COL22A1: variants seen among roughly 807,000 people sequenced by gnomAD.
The protein encoded by COL22A1 is collagen alpha-1(XXII) chain.
Under a neutral mutation model 248.9 loss-of-function variants are expected in COL22A1, and 221 were observed. That is an observed-to-expected ratio of 0.89 (90% CI 0.80 to 0.99). The LOEUF is 0.99. Among genes scored for constraint, COL22A1 ranks in the 50% least tolerant of loss-of-function variants. The probability of loss-of-function intolerance (pLI) is 0.00; values close to 1 mark genes in which losing one functional copy is unlikely to be tolerated. For synonymous variants in COL22A1, 891 were observed against 793.4 expected, an observed-to-expected ratio of 1.12 and a Z score of -2.07; for missense variants, 2,240 against 2,179.0, an observed-to-expected ratio of 1.03 and a Z score of -0.56.
At chr8:138,868,010 A>G (rs1481827549) in intron 3 of COL22A1, among the ~76,000 whole-genome samples, 1 of 152,092 alleles carries the variant, frequency 6.6e-6, no homozygotes, top group African/African-American at 2.4e-5. Flanking sequence ...TGATCTGCCC[A>G]CCTTAGCCTC....
chr8:138,616,021 C>A lies in COL22A1; in HGVS notation c.3904G>T (p.Glu1302Ter), dbSNP rs1041949943. 2 of 1,613,470 alleles carry A rather than the reference C, an allele frequency of 1.2e-6. No individual in the cohort carries two copies. The highest frequency in any genetic ancestry group is 2.7e-5 in the African/African-American group (2 of 74,902). Residue 1302 changes from glutamate (E) to a stop codon, truncating the protein, a stop_gained, in exon 55 of 65, where the codon GAA (glutamate) becomes TAA (stop). Coordinates refer to ENST00000303045, the MANE Select transcript of COL22A1 (RefSeq NM_152888.3). LOFTEE classifies it high-confidence loss of function. ...CTTACATCTTTTCCTGGTAACCCTT[C>A]CTGACCAGGAAGCCCCATGGCACCA... ...ESGAMGLPGQ[E>*]GLPGKDGDTG...
At chr8:138,648,182 C>G (rs6984002) in intron 46 of COL22A1, among the ~76,000 whole-genome samples, 132,169 of 152,290 alleles carry the variant, frequency 0.87, 57,685 homozygotes, top group Middle Eastern at 0.96. Flanking sequence ...TCAGCTTTAG[C>G]ACTGGCCCCT....
chr8:138,843,368 C>T (rs540154774), intron 4 of COL22A1, among the ~76,000 whole-genome samples: 1 of 152,250 alleles, frequency 6.6e-6, no homozygotes, highest in Non-Finnish European at 1.5e-5. Flanking sequence ...CAAGATGATG[C>T]AGGAGGGAGA....
intron 3 of COL22A1, among the ~76,000 whole-genome samples, chr8:138,868,040 G>A (rs1823036975): frequency 6.6e-6 from 1 of 152,198 alleles, no homozygotes; most frequent in African/African-American, 2.4e-5. Context: ...TGGGATTACA[G>A]GCATGAGCCA....
At chr8:138,712,310 G>A (rs941309628) in intron 30 of COL22A1, among the ~76,000 whole-genome samples, 3 of 152,300 alleles carry the variant, frequency 2.0e-5, no homozygotes, top group Middle Eastern at 3.4e-3. Context: ...AAACTCCTAT[G>A]AGGGGTTTGG....
intron 7 of COL22A1, among the ~76,000 whole-genome samples, chr8:138,815,553 C>A (rs566036174): frequency 1.2e-4 from 18 of 152,302 alleles, no homozygotes; most frequent in African/African-American, 3.4e-4. Context: ...GCCGCCTGTC[C>A]ACACACAGGC....
chr8:138,588,926 G>A lies in COL22A1; in HGVS notation c.*327C>T. The A allele has an allele frequency of 5.0e-6, 1 of 198,720 alleles. No individual in the cohort carries two copies. Among genetic ancestry groups the A allele is most frequent in the Non-Finnish European group, 1.0e-5 (1 of 99,596 alleles). 12.3% of individuals were successfully genotyped at this position (198,720 alleles called of 1,614,324 possible). A position where few individuals can be genotyped will look rare whatever the true frequency, so the allele number is the denominator to read the frequency against. On this transcript the variant is annotated 3_prime_UTR_variant, in exon 65 of 65. Transcript: ENST00000303045. ...GTTACGCGTCAGATGGGGGCTGTCA[G>A]AAGAATGAAGAAACAATCTCCTGCC...
Position 138,725,790 on chromosome 8 carries a change from CACACACACAT to C in COL22A1, c.2140-360_2140-351del, listed in dbSNP as rs1446120461. Among the ~76,000 whole-genome samples the C allele has an allele frequency of 7.8e-5, 11 of 141,152 alleles. No individual in the cohort carries two copies. In the South Asian group the frequency reaches 2.4e-3, roughly 31 times the overall value. The allele number at this position is 141,152 out of a possible 152,430, so 92.6% of individuals were successfully genotyped here. ...ACACACACACACACACACACACACA[CACACACACAT>C]AGTCTGACCCATGCATAAAGGCCTT... On this transcript the variant is annotated intron_variant, in intron 23 of 64. Transcript: ENST00000303045.
chr8:138,695,491 G>A (rs945665377), intron 32 of COL22A1, among the ~76,000 whole-genome samples: 2 of 151,958 alleles, frequency 1.3e-5, no homozygotes, highest in South Asian at 2.1e-4. Context: ...CCTCACCATC[G>A]TGCCTGGCTC....
intron 40 of COL22A1, among the ~76,000 whole-genome samples, chr8:138,678,022 G>A (rs1825695846): frequency 6.6e-6 from 1 of 152,186 alleles, no homozygotes; most frequent in African/African-American, 2.4e-5. Context: ...TAAGGTTTAG[G>A]TTATTGTGCA....
At chr8:138,836,790 TA>T (rs1563827741) in intron 4 of COL22A1, among the ~76,000 whole-genome samples, 1 of 152,254 alleles carries the variant, frequency 6.6e-6, no homozygotes, top group Non-Finnish European at 1.5e-5. Flanking sequence ...CTGCATTTTT[TA>T]CATAACAGTT....
intron 3 of COL22A1, among the ~76,000 whole-genome samples, chr8:138,859,430 C>T (rs968568977): frequency 1.3e-5 from 2 of 152,182 alleles, no homozygotes; most frequent in African/African-American, 4.8e-5. Context: ...CATGGCCCTC[C>T]CCGGAAGGCT....
chr8:138,848,037 T>C (rs1303998897), intron 3 of COL22A1, among the ~76,000 whole-genome samples: 1 of 152,202 alleles, frequency 6.6e-6, no homozygotes. Flanking sequence ...TTACCTTCTC[T>C]ATCCCAATAA....
intron 49 of COL22A1, among the ~76,000 whole-genome samples, chr8:138,631,388 G>T (rs1435672658): frequency 2.0e-5 from 3 of 152,130 alleles, no homozygotes; most frequent in African/African-American, 7.2e-5. Flanking sequence ...ACGGGCCAAT[G>T]CATTAGCCAG....
intron 3 of COL22A1, among the ~76,000 whole-genome samples, chr8:138,859,893 G>GT (rs1162382746): frequency 1.9e-5 from 2 of 104,008 alleles, no homozygotes; most frequent in Admixed American, 1.9e-4. Flanking sequence ...AGCAACGGTG[G>GT]CTGTAGGCTT....
intron 41 of COL22A1, among the ~76,000 whole-genome samples, chr8:138,669,803 G>A (rs1271170483): frequency 6.6e-6 from 1 of 151,938 alleles, no homozygotes; most frequent in Non-Finnish European, 1.5e-5. Context: ...CATTTAGAAA[G>A]GAGAGTTTCC....
At chr8:138,689,114 T>G in intron 36 of COL22A1, 144 bp from the exon 37 acceptor site, 1 of 587,352 alleles carries the variant, frequency 1.7e-6, no homozygotes, top group Non-Finnish European at 3.0e-6. Context: ...TTATTTAAAT[T>G]CCCCAAAGCT....
chr8:138,905,848 T>C (rs564160896), intron 1 of COL22A1, among the ~76,000 whole-genome samples: 218 of 152,300 alleles, frequency 1.4e-3, no homozygotes, highest in African/African-American at 5.0e-3. Context: ...ACTCCTCTCC[T>C]TTCCTCAAAC....
In COL22A1 at chr8:138,599,411, G is replaced by A. The variant is rs181423934; in HGVS notation, c.4186-513C>T. ...GGAGAATGGCGTGAACCCGGGAGGC[G>A]GAGGTTGCAGTGAGCCAAGATCGCA... On this transcript the variant is annotated intron_variant, in intron 60 of 64. Coordinates refer to ENST00000303045, the MANE Select transcript of COL22A1 (RefSeq NM_152888.3). Among the ~76,000 whole-genome samples, 667 of 152,162 alleles carry A rather than the reference G, an allele frequency of 4.4e-3. 26 individuals carry two copies. Among genetic ancestry groups the A allele is most frequent in the Admixed American group, 0.041 (630 of 15,282 alleles).
Sources: gnomAD v4.1 joint callset for allele counts (sites outside exome capture counted in the v4.1 genomes callset) on GRCh38, gnomAD v4.1.1 for gene constraint, MANE v1.5 for transcripts, NCBI Gene and HGNC (gene_info 2026-07-23, HGNC 2026-07-21) for gene names.